CSMD3: variants seen among roughly 807,000 people sequenced by gnomAD.
The protein encoded by CSMD3 is CUB and sushi domain-containing protein 3.
CSMD3 carries 177 observed loss-of-function variants against 435.2 expected under a neutral mutation model. That is an observed-to-expected ratio of 0.41 (90% CI 0.36 to 0.46). The LOEUF (loss-of-function observed/expected upper bound fraction) is 0.46, where lower values mean the gene tolerates loss of function less well. CSMD3 is among the 20% of genes least tolerant of loss of function. CSMD3 has a pLI of 0.34. For missense variants in CSMD3, 4,265 were observed against 4,504.6 expected (o/e 0.95, Z 1.52); for synonymous variants, 1,656 against 1,520.5 (o/e 1.09, Z -2.07).
intron 13 of CSMD3, among the ~76,000 whole-genome samples, chr8:112,738,068 A>G (rs971036039): frequency 8.6e-5 from 13 of 151,836 alleles, no homozygotes; most frequent in African/African-American, 3.1e-4. Context: ...GCACACAGTG[A>G]TAAGACCTGA....
intron 24 of CSMD3, among the ~76,000 whole-genome samples, chr8:112,561,888 C>T (rs539038251): frequency 3.0e-4 from 45 of 151,638 alleles, no homozygotes; most frequent in Middle Eastern, 6.8e-3. Flanking sequence ...TGCACACATG[C>T]GCACACTCAC....
At chr8:112,795,028 C>T (rs1489825238) in intron 13 of CSMD3, among the ~76,000 whole-genome samples, 1 of 151,960 alleles carries the variant, frequency 6.6e-6, no homozygotes, top group Non-Finnish European at 1.5e-5. Context: ...TAAGTAAAAA[C>T]GTCCAGATAG....
chr8:112,823,290 T>C (rs2132444683), intron 12 of CSMD3, among the ~76,000 whole-genome samples: 1 of 152,328 alleles, frequency 6.6e-6, no homozygotes, highest in Non-Finnish European at 1.5e-5. Flanking sequence ...GGTACTCTAA[T>C]AATTATTGCC....
intron 54 of CSMD3, 99 bp from the exon 55 acceptor site, chr8:112,292,809 A>C (rs1227162086): frequency 3.0e-6 from 3 of 1,015,704 alleles, no homozygotes; most frequent in Non-Finnish European, 3.0e-6. Context: ...ATTTCAAACA[A>C]AGTAGAAAGA....
intron 3 of CSMD3, among the ~76,000 whole-genome samples, chr8:113,181,494 T>C (rs1043958229): frequency 6.6e-6 from 1 of 152,106 alleles, no homozygotes; most frequent in Non-Finnish European, 1.5e-5. Flanking sequence ...TCATTAGTTA[T>C]GTTGACCCAT....
intron 1 of CSMD3, chr8:113,376,684 C>G (rs1248633117): frequency 3.1e-6 from 5 of 1,608,230 alleles, no homozygotes; most frequent in Non-Finnish European, 4.3e-6. Flanking sequence ...AGTTGACACC[C>G]GCCACAAGGA....
intron 8 of CSMD3, among the ~76,000 whole-genome samples, chr8:112,951,216 A>G (rs1362100752): frequency 6.6e-6 from 1 of 151,882 alleles, no homozygotes; most frequent in Non-Finnish European, 1.5e-5. Context: ...TCATTCAGTC[A>G]TCTGCTTTCA....
intron 12 of CSMD3, among the ~76,000 whole-genome samples, chr8:112,828,497 C>T (rs1441225955): frequency 6.6e-6 from 1 of 152,162 alleles, no homozygotes. Flanking sequence ...ATCTCTCTCT[C>T]TCTCCTGCCA....
Position 113,428,959 on chromosome 8 carries a change from T to A in CSMD3, c.178+7718A>T, listed in dbSNP as rs1043717132. Among the ~76,000 whole-genome samples, 2 of 151,840 alleles carry A rather than the reference T, an allele frequency of 1.3e-5. 1 individual carries two copies. The highest frequency in any genetic ancestry group is 4.1e-4 in the South Asian group (2 of 4,828). On this transcript the variant is annotated intron_variant, in intron 1 of 70. Transcript: ENST00000297405. ...ATGATCATTAACATTCCTTTAAAAA[T>A]TGCTAACATCAAGCAAAGAAAATCT...
At chr8:112,313,857 T>C (rs749760886) in intron 49 of CSMD3, 49 bp downstream of exon 49, 2 of 1,420,984 alleles carry the variant, frequency 1.4e-6, no homozygotes, top group Non-Finnish European at 2.0e-6. Flanking sequence ...ATCATAATCA[T>C]ACCGAAGATG....
intron 3 of CSMD3, among the ~76,000 whole-genome samples, chr8:113,207,349 T>C (rs1222293502): frequency 6.6e-6 from 1 of 151,934 alleles, no homozygotes; most frequent in Non-Finnish European, 1.5e-5. Context: ...TCTGATCTTT[T>C]TTTCTCCCGA....
At chr8:113,428,355 G>T (rs1185659091) in intron 1 of CSMD3, among the ~76,000 whole-genome samples, 1 of 151,534 alleles carries the variant, frequency 6.6e-6, no homozygotes, top group Non-Finnish European at 1.5e-5. Context: ...GGTTTAATTG[G>T]TAACTTAGTC....
At chr8:112,883,524 TTA>T (rs1156493575) in intron 10 of CSMD3, among the ~76,000 whole-genome samples, 1 of 151,970 alleles carries the variant, frequency 6.6e-6, no homozygotes, top group African/African-American at 2.4e-5. Context: ...CTTATTAATT[TTA>T]TTCTCTTCCT....
intron 15 of CSMD3, among the ~76,000 whole-genome samples, chr8:112,682,997 C>A (rs2075934897): frequency 6.6e-6 from 1 of 151,876 alleles, no homozygotes; most frequent in South Asian, 2.1e-4. Flanking sequence ...AAGCAATTGA[C>A]AGAAGCATTA....
intron 32 of CSMD3, among the ~76,000 whole-genome samples, chr8:112,447,584 CT>C (rs1045766507): frequency 6.6e-6 from 1 of 152,068 alleles, no homozygotes; most frequent in African/African-American, 2.4e-5. Context: ...CTAAGTGCTC[CT>C]TTTGGATATT....
chr8:113,354,605 C>A (rs1018236187), intron 1 of CSMD3, among the ~76,000 whole-genome samples: 1 of 152,048 alleles, frequency 6.6e-6, no homozygotes, highest in Non-Finnish European at 1.5e-5. Flanking sequence ...CCCAAAGTAA[C>A]ATAACATAGA....
intron 23 of CSMD3, among the ~76,000 whole-genome samples, chr8:112,576,124 T>C (rs1829923119): frequency 6.6e-6 from 1 of 152,080 alleles, no homozygotes; most frequent in African/African-American, 2.4e-5. Flanking sequence ...GTAAGAACTT[T>C]CAGTTTGCCA....
chr8:112,709,154 A>C (rs1267270262), intron 13 of CSMD3, among the ~76,000 whole-genome samples: 1 of 152,094 alleles, frequency 6.6e-6, no homozygotes, highest in Non-Finnish European at 1.5e-5. Flanking sequence ...CACAAAAATA[A>C]ATAACTGCAA....
chr8:112,456,428 A>C (rs1022565001), intron 32 of CSMD3, among the ~76,000 whole-genome samples: 11 of 152,114 alleles, frequency 7.2e-5, no homozygotes, highest in Non-Finnish European at 1.5e-4. Flanking sequence ...AGTAGAAATA[A>C]ATAGTTCTAT....
Sources: allele counts gnomAD v4.1 joint callset (sites outside exome capture counted in the v4.1 genomes callset), GRCh38; gene constraint gnomAD v4.1.1; transcripts MANE v1.5; gene names NCBI Gene and HGNC (gene_info 2026-07-23, HGNC 2026-07-21).